REDIC1: variants seen among roughly 807,000 people sequenced by gnomAD.
REDIC1 encodes the protein regulator of DNA class I crossover intermediates 1.
At chr12:39,808,294 A>G in the REDIC1 span, among the ~76,000 whole-genome samples, 3 of 152,146 alleles carry the variant, frequency 2.0e-5, no homozygotes, top group Non-Finnish European at 4.4e-5. Context: ...CCTTCCATCT[A>G]TCTGGGTAGT....
the REDIC1 span, among the ~76,000 whole-genome samples, chr12:39,712,126 C>A: frequency 3.2e-5 from 2 of 62,634 alleles, no homozygotes; most frequent in African/African-American, 5.6e-5. Context: ...GTATATATAC[C>A]TGTATGTACA....
chr12:39,743,543 T>C, the REDIC1 span, among the ~76,000 whole-genome samples: 1 of 152,190 alleles, frequency 6.6e-6, no homozygotes, highest in Admixed American at 6.5e-5. Context: ...GCAGGGATGT[T>C]GGAATTATCA....
the REDIC1 span, among the ~76,000 whole-genome samples, chr12:39,785,446 A>T: frequency 1.3e-5 from 2 of 152,336 alleles, no homozygotes; most frequent in South Asian, 4.1e-4. Context: ...ATGTATGGAA[A>T]TGCCTGGATG....
At chr12:39,781,598 G>T in the REDIC1 span, among the ~76,000 whole-genome samples, 1 of 152,190 alleles carries the variant, frequency 6.6e-6, no homozygotes, top group African/African-American at 2.4e-5. Context: ...TTTATGTAAG[G>T]AGAGAATGAA....
At chr12:39,829,010 A>G in the REDIC1 span, among the ~76,000 whole-genome samples, 67 of 152,298 alleles carry the variant, frequency 4.4e-4, no homozygotes, top group Non-Finnish European at 7.6e-4. Flanking sequence ...ATTATACTTT[A>G]TAGCTCCTAT....
the REDIC1 span, chr12:39,720,844 A>G: frequency 6.2e-7 from 1 of 1,613,170 alleles, no homozygotes; most frequent in Admixed American, 1.7e-5. Flanking sequence ...TAGGATGACC[A>G]TCAAAACCAA....
chr12:39,856,297 TCAAAATCATAGTTTTC>T, the REDIC1 span, among the ~76,000 whole-genome samples: 2 of 152,146 alleles, frequency 1.3e-5, no homozygotes, highest in African/African-American at 4.8e-5. Flanking sequence ...ACCCAGCCAA[TCAAAATCATAGTTTTC>T]CAAGTTACTT....
chr12:39,694,008 T>C, the REDIC1 span, among the ~76,000 whole-genome samples: 3 of 152,338 alleles, frequency 2.0e-5, no homozygotes, highest in Non-Finnish European at 4.4e-5. Context: ...GGGGGACGGA[T>C]AGATAGAAGT....
At chr12:39,891,959 T>C in the REDIC1 span, among the ~76,000 whole-genome samples, 6 of 152,138 alleles carry the variant, frequency 3.9e-5, no homozygotes, top group Admixed American at 3.3e-4. Flanking sequence ...TTTTGGGAAA[T>C]ATGGTTATCT....
chr12:39,697,949 A>G, the REDIC1 span, among the ~76,000 whole-genome samples: 1 of 152,336 alleles, frequency 6.6e-6, no homozygotes, highest in African/African-American at 2.4e-5. Context: ...CTCTCCAATC[A>G]AAAGATATAG....
the REDIC1 span, among the ~76,000 whole-genome samples, chr12:39,711,062 A>C: frequency 6.6e-6 from 1 of 151,234 alleles, no homozygotes; most frequent in Non-Finnish European, 1.5e-5. Flanking sequence ...CTTCCCCCCA[A>C]GTTCCCAAAG....
chr12:39,768,652 AT>A, the REDIC1 span, among the ~76,000 whole-genome samples: 1 of 152,098 alleles, frequency 6.6e-6, no homozygotes, highest in Admixed American at 6.6e-5. Flanking sequence ...CACACACAAC[AT>A]TTATAATTAA....
the REDIC1 span, among the ~76,000 whole-genome samples, chr12:39,711,811 G>GTGTGTGTACACATGCATGTGTA: frequency 9.5e-5 from 8 of 83,782 alleles, no homozygotes; most frequent in Admixed American, 3.5e-4. Context: ...GCATGTGTAT[G>GTGTGTGTACACATGCATGTGTA]TGTGTACACA....
chr12:39,700,210 T>C, the REDIC1 span, among the ~76,000 whole-genome samples: 2 of 151,864 alleles, frequency 1.3e-5, no homozygotes, highest in African/African-American at 4.8e-5. Context: ...TAGAAGAATG[T>C]ATAACTAGAA....
chr12:39,899,267 G>A, the REDIC1 span, among the ~76,000 whole-genome samples: 67 of 152,202 alleles, frequency 4.4e-4, 1 homozygote, highest in East Asian at 8.5e-3. Flanking sequence ...GTTTATTTGC[G>A]TAGAGGTGTT....
chr12:39,720,952 T>G, the REDIC1 span: 1 of 1,613,712 alleles, frequency 6.2e-7, no homozygotes. Context: ...GAATGAGAAT[T>G]TCTACCAGTT....
At chr12:39,703,246 C>CA in the REDIC1 span, among the ~76,000 whole-genome samples, 1 of 151,106 alleles carries the variant, frequency 6.6e-6, no homozygotes, top group East Asian at 1.9e-4. Flanking sequence ...TCTCAGGATA[C>CA]AAAATCAATG....
the REDIC1 span, among the ~76,000 whole-genome samples, chr12:39,680,531 T>A: frequency 6.6e-6 from 1 of 152,154 alleles, no homozygotes; most frequent in Non-Finnish European, 1.5e-5. Context: ...TGCTGGTGGG[T>A]ATGTAAACTA....
At chr12:39,895,563 C>CAT in the REDIC1 span, among the ~76,000 whole-genome samples, 1 of 131,622 alleles carries the variant, frequency 7.6e-6, no homozygotes, top group Non-Finnish European at 1.6e-5. Context: ...CACACACACA[C>CAT]ACACGTGTAT....
Sources: allele counts gnomAD v4.1 joint callset (sites outside exome capture counted in the v4.1 genomes callset), GRCh38; gene constraint gnomAD v4.1.1; transcripts MANE v1.5; gene names NCBI Gene and HGNC (gene_info 2026-07-23, HGNC 2026-07-21).